The following C2orf74 variants were observed in gnomAD, a reference collection of about 807,000 sequenced individuals.
C2orf74 encodes uncharacterized protein C2orf74.
Under a neutral mutation model 17.9 loss-of-function variants are expected in C2orf74, and 14 were observed. The ratio of observed to expected loss-of-function variants is 0.78; its 90% CI spans 0.52 to 1.22. The LOEUF (loss-of-function observed/expected upper bound fraction) is 1.22. Among genes scored for constraint, C2orf74 ranks in the 50% most tolerant of loss-of-function variants. The pLI, the probability that C2orf74 is intolerant of heterozygous loss-of-function variation, is 0.00. For missense variants in C2orf74, 217 were observed against 218.4 expected, an observed-to-expected ratio of 0.99 and a Z score of 0.04; for synonymous variants, 79 against 72.6, an observed-to-expected ratio of 1.09 and a Z score of -0.44.
At chr2:61,147,783 T>TTTTTG (rs1476679698) in intron 1 of C2orf74, among the ~76,000 whole-genome samples, 3 of 152,192 alleles carry the variant, frequency 2.0e-5, no homozygotes, top group Non-Finnish European at 1.5e-5. Context: ...TTTTGTTTGT[T>TTTTTG]TTGAGACTGA....
In C2orf74 at chr2:61,147,298, C is replaced by G. The variant is rs1685100792; in HGVS notation, c.-122+2102C>G. Among the ~76,000 whole-genome samples, 3 of 151,878 alleles carry G rather than the reference C, an allele frequency of 2.0e-5. No individual in the cohort carries two copies. The East Asian group carries it at 5.8e-4, about 29-fold the overall frequency. ...GCCATCACAACTCACTGCCCAGGCT[C>G]AAGCGATCTGCGGGCCTCGGCTTCC... is the stretch of plus-strand genomic sequence containing the variant. On this transcript the variant is annotated intron_variant, in intron 1 of 3. Coordinates refer to the C2orf74 transcript ENST00000426997.
chr2:61,148,009 T>C (rs1685121961), intron 1 of C2orf74, among the ~76,000 whole-genome samples: 1 of 151,706 alleles, frequency 6.6e-6, no homozygotes, highest in African/African-American at 2.4e-5. Context: ...CCTCAGCTGA[T>C]GCTCCTGCCT....
upstream of C2orf74, chr2:61,158,133 A>G (rs971945376): frequency 9.3e-5 from 36 of 385,922 alleles, no homozygotes; most frequent in African/African-American, 6.9e-4. Context: ...CTGCTCCCCC[A>G]TCTTCTGGAT....
rs1685606305 is a variant in C2orf74 at position 61,162,853 on chromosome 2, G to T, written c.107G>T (p.Arg36Met). Reference protein sequence around the residue: ...VVFLYKCFQGRKGKETKKVPC... With the variant: ...VVFLYKCFQGMKGKETKKVPC... ...TTGTTTGTTTTCAGTTTCCAAGGCA[G>T]GAAAGGTAAAGAGACAAAGAAAGTG... is the stretch of plus-strand genomic sequence containing the variant. The change falls in exon 3 of 5, where the codon AGG becomes ATG. Residue 36 changes from arginine to methionine, a missense_variant. By Grantham distance (91) the Arg-to-Met change is moderately conservative. Coordinates refer to ENST00000432605, the MANE Select transcript of C2orf74 (RefSeq NM_001143959.4). 9.7e-6 allele frequency: 15 copies of T among 1,551,926 alleles called. No homozygotes were observed. The highest frequency in any genetic ancestry group is 1.3e-5 in the Non-Finnish European group (15 of 1,146,932).
chr2:61,150,919 G>A, intron 1 of C2orf74, among the ~76,000 whole-genome samples: 1 of 152,264 alleles, frequency 6.6e-6, no homozygotes, highest in African/African-American at 2.4e-5. Flanking sequence ...CTTGGCTCTG[G>A]ATTGGTTAGT....
At chr2:61,147,308 G>A (rs1162578871) in intron 1 of C2orf74, among the ~76,000 whole-genome samples, 3 of 151,388 alleles carry the variant, frequency 2.0e-5, no homozygotes, top group Admixed American at 6.6e-5. Flanking sequence ...CAAGCGATCT[G>A]CGGGCCTCGG....
intron 4 of C2orf74, among the ~76,000 whole-genome samples, chr2:61,163,681 A>G (rs1685643885): frequency 1.3e-5 from 2 of 152,098 alleles, no homozygotes; most frequent in African/African-American, 4.8e-5. Flanking sequence ...AAGTAGAATG[A>G]GTCCAATGCC....
intron 4 of C2orf74, among the ~76,000 whole-genome samples, chr2:61,164,052 T>C (rs1454952807): frequency 1.3e-5 from 2 of 152,114 alleles, no homozygotes; most frequent in Non-Finnish European, 1.5e-5. Flanking sequence ...ACAACTCACA[T>C]ACCCTCCCAC....
chr2:61,163,137 C>G lies in C2orf74; in HGVS notation c.295C>G (p.Pro99Ala). Residue 99 changes from proline (P) to alanine (A), a missense_variant, in exon 4 of 5, where the codon CCC (proline) becomes GCC (alanine). Transcript: ENST00000432605. ...QRQSKEVLAT[P>A]LENRRDMEAE... Reference sequence around the variant, plus strand: ...ACAGAGTAAGGAAGTGTTGGCCACACCCTTAGAAAACAGAAGGGACATGGA... The same window carrying G: ...ACAGAGTAAGGAAGTGTTGGCCACAGCCTTAGAAAACAGAAGGGACATGGA... 6.4e-7 allele frequency: 1 copy of G among 1,552,112 alleles called. No individual in the cohort carries two copies. Among genetic ancestry groups the G allele is most frequent in the Non-Finnish European group, 8.7e-7 (1 of 1,147,072 alleles).
intron 1 of C2orf74, among the ~76,000 whole-genome samples, chr2:61,152,694 C>G (rs1323184019): frequency 6.7e-6 from 1 of 149,060 alleles, no homozygotes; most frequent in East Asian, 2.0e-4. Context: ...ACTAAAAATA[C>G]AAAATTAGCT....
chr2:61,154,654 T>G (rs1318610113), intron 1 of C2orf74, among the ~76,000 whole-genome samples: 1 of 152,196 alleles, frequency 6.6e-6, no homozygotes, highest in Admixed American at 6.5e-5. Context: ...TTGTTTTAAG[T>G]CTGCTTTTGC....
At chr2:61,150,417 A>G (rs1446069550) in intron 1 of C2orf74, among the ~76,000 whole-genome samples, 5 of 152,160 alleles carry the variant, frequency 3.3e-5, no homozygotes, top group South Asian at 2.1e-4. Flanking sequence ...CTTGATCTCT[A>G]TAAAAGAGGA....
intron 1 of C2orf74, among the ~76,000 whole-genome samples, chr2:61,152,490 G>C (rs11125870): frequency 0.42 from 62,666 of 150,284 alleles, 13,209 homozygotes; most frequent in Middle Eastern, 0.5. Context: ...GCAGTGAGCC[G>C]AGATCATGCC....
At position 61,163,213 on chromosome 2, in the gene C2orf74, G is replaced by C. The variant is rs1423373880; in HGVS notation, c.371G>C (p.Gly124Ala). 24 of 1,551,560 alleles carry C rather than the reference G, an allele frequency of 1.5e-5. No individual in the cohort carries two copies. The highest frequency in any genetic ancestry group is 5.9e-5 in the Admixed American group (3 of 50,784). ...GAGAAGCAAGAGCCTGAGAATGCTG[G>C]AGAAACTGGTCAAGAAGAGGTGATG... ...INEKQEPENA[G>A]ETGQEEDDGL... The change falls in exon 4 of 5, where the codon GGA (glycine) becomes GCA (alanine). Residue 124 changes from glycine (G) to alanine (A), a missense_variant. By Grantham distance (60) the Gly-to-Ala change is moderately conservative. Coordinates refer to ENST00000432605, the MANE Select transcript of C2orf74 (RefSeq NM_001143959.4).
chr2:61,152,784 G>T (rs1222472448), intron 1 of C2orf74, among the ~76,000 whole-genome samples: 7 of 145,222 alleles, frequency 4.8e-5, no homozygotes, highest in East Asian at 4.1e-4. Flanking sequence ...GGAGGAGGAG[G>T]ATGCGGTGAG....
At chr2:61,146,032 CA>C (rs1027036097) in intron 1 of C2orf74, among the ~76,000 whole-genome samples, 27 of 152,298 alleles carry the variant, frequency 1.8e-4, no homozygotes, top group African/African-American at 6.3e-4. Context: ...CCAACAATCC[CA>C]CTTTGGGGAA....
chr2:61,152,179 C>T (rs535004251), intron 1 of C2orf74: 1 of 152,392 alleles, frequency 6.6e-6, no homozygotes, highest in East Asian at 1.9e-4. Context: ...GGGATCCTGC[C>T]AACACCGGTT....
chr2:61,148,802 C>T (rs1018610307), intron 1 of C2orf74, among the ~76,000 whole-genome samples: 13 of 152,054 alleles, frequency 8.5e-5, no homozygotes, highest in Admixed American at 2.0e-4. Context: ...CTGCAACCTC[C>T]GTCTTCCAGG....
chr2:61,145,276 A>G (rs187436242), intron 1 of C2orf74: 1 of 152,334 alleles, frequency 6.6e-6, no homozygotes, highest in East Asian at 1.9e-4. Context: ...TATATTAAAT[A>G]TTCATTTAAA....
Sources: allele counts gnomAD v4.1 joint callset (sites outside exome capture counted in the v4.1 genomes callset), GRCh38; gene constraint gnomAD v4.1.1; transcripts MANE v1.5; gene names NCBI Gene and HGNC (gene_info 2026-07-23, HGNC 2026-07-21).